Variants in ARPC5 observed in about 807,000 individuals in gnomAD.
The protein encoded by ARPC5 is actin-related protein 2/3 complex subunit 5.
Under a neutral mutation model 15.4 loss-of-function variants are expected in ARPC5, and 5 were observed. The ratio of observed to expected loss-of-function variants is 0.32; its 90% CI spans 0.17 to 0.68. The LOEUF (loss-of-function observed/expected upper bound fraction) is 0.68, where lower values mean the gene tolerates loss of function less well. Ranked by LOEUF, ARPC5 falls within the 30% of genes least tolerant of loss-of-function variation. ARPC5 has a pLI of 0.71. For missense variants in ARPC5, 138 were observed against 192.8 expected (o/e 0.72, Z 1.68); for synonymous variants, 85 against 72.2 (o/e 1.18, Z -0.90).
rs1558122795 is a variant in ARPC5, at chr1:183,633,109, AG to A, written c.188del (p.Pro63LeufsTer9). ...TCACTGCCTGACTCTTGGTGTTGAT[AG>A]GGGGGTTCTTCAGAGCTGCCTGTAG... ...AALQAALKNP[P>X]INTKSQAVKD... On this transcript the variant is annotated frameshift_variant, in exon 2 of 4. Transcript: ENST00000359856. LOFTEE classifies it high-confidence loss of function. 1 of 1,605,228 alleles carries A rather than the reference AG, an allele frequency of 6.2e-7. No homozygotes were observed. The highest frequency in any genetic ancestry group is 8.5e-7 in the Non-Finnish European group (1 of 1,176,462).
At chr1:183,634,311 AT>A (rs538631044) in intron 1 of ARPC5, among the ~76,000 whole-genome samples, 1 of 152,254 alleles carries the variant, frequency 6.6e-6, no homozygotes, top group South Asian at 2.1e-4. Context: ...GCAACAGCTA[AT>A]TAATTGTGAA....
Position 183,626,987 on chromosome 1 carries a change from CAA to C in ARPC5, c.*543_*544del, listed in dbSNP as rs947386886. 1 of 153,364 alleles carries C rather than the reference CAA, an allele frequency of 6.5e-6. No homozygotes were observed. The highest frequency in any genetic ancestry group is 1.5e-5 in the Non-Finnish European group (1 of 68,580). 9.5% of individuals were successfully genotyped at this position (153,364 alleles called of 1,614,324 possible). A position where few individuals can be genotyped will look rare whatever the true frequency, so the allele number is the denominator to read the frequency against. On this transcript the variant is annotated 3_prime_UTR_variant, in exon 4 of 4. Coordinates refer to ENST00000359856, the MANE Select transcript of ARPC5 (RefSeq NM_005717.4). The stretch of plus-strand genomic sequence containing the variant: ...CAGATAATCAGGAGGCAAGCAAAAA[CAA>C]AGCTATAACTTAGCAGTGGTATTCA...
rs1291756554 is a variant in ARPC5 at position 183,624,660 on chromosome 1, T to G, written c.*2872A>C. On this transcript the variant is annotated 3_prime_UTR_variant, in exon 4 of 4. Transcript: ENST00000359856. ...TTGTCCTTTCTGCCCCTCCAAAGGA[T>G]TAGTTCAAATTAATGTCTCACTTTA... The G allele has an allele frequency of 2.0e-5, 3 of 151,944 alleles. No homozygotes were observed. Among genetic ancestry groups the G allele is most frequent in the Non-Finnish European group, 2.9e-5 (2 of 68,050 alleles). The allele number at this position is 151,944 out of a possible 1,614,324, so 9.4% of individuals were successfully genotyped here.
In ARPC5 at chr1:183,624,120, T is replaced by C. The variant is rs1324443394; in HGVS notation, c.*3412A>G. Reference sequence around the variant, plus strand: ...GTCTATTTCAGCTAATAAAACATTATGATTTCCTATAATTTTACTTTCTTG... The same window carrying C: ...GTCTATTTCAGCTAATAAAACATTACGATTTCCTATAATTTTACTTTCTTG... On this transcript the variant is annotated 3_prime_UTR_variant, in exon 4 of 4. Coordinates refer to ENST00000359856, the MANE Select transcript of ARPC5 (RefSeq NM_005717.4). 1 of 152,362 alleles carries C rather than the reference T, an allele frequency of 6.6e-6. No homozygotes were observed. Among genetic ancestry groups the C allele is most frequent in the Non-Finnish European group, 1.5e-5 (1 of 68,170 alleles). The allele number at this position is 152,362 out of a possible 1,614,324, so 9.4% of individuals were successfully genotyped here.
intron 3 of ARPC5, among the ~76,000 whole-genome samples, chr1:183,628,971 G>C (rs1479544725): frequency 6.6e-6 from 1 of 152,200 alleles, no homozygotes; most frequent in Non-Finnish European, 1.5e-5. Context: ...TGTTAACTGG[G>C]AAACCAGTCA....
chr1:183,623,346 G>A lies in ARPC5; in HGVS notation c.*4186C>T, dbSNP rs2101951581. The A allele has an allele frequency of 1.5e-6, 2 of 1,321,040 alleles. No homozygotes were observed. Among genetic ancestry groups the A allele is most frequent in the East Asian group, 5.0e-5 (2 of 39,798 alleles). The allele number at this position is 1,321,040 out of a possible 1,614,324, so 81.8% of individuals were successfully genotyped here. On this transcript the variant is annotated 3_prime_UTR_variant, in exon 4 of 4. Transcript: ENST00000359856. The stretch of plus-strand genomic sequence containing the variant: ...AAATAGAAATGTTAAAGTGAATGCT[G>A]TGTCCCATGTTGCTTGTGGTTGGAT...
chr1:183,632,303 G>A (rs925588723), intron 2 of ARPC5: 4 of 151,966 alleles, frequency 2.6e-5, no homozygotes, highest in African/African-American at 9.7e-5. Context: ...AGGGCAATTT[G>A]GCAATACTGC....
Position 183,624,954 on chromosome 1 carries a change from C to G in ARPC5, c.*2578G>C, listed in dbSNP as rs543840219. On this transcript the variant is annotated 3_prime_UTR_variant, in exon 4 of 4. Coordinates refer to ENST00000359856, the MANE Select transcript of ARPC5 (RefSeq NM_005717.4). ...TTGTACCATCTACACATTGATTTCA[C>G]CCATGTTCATGTCCTTAAAATATCA... The G allele has an allele frequency of 6.6e-6, 1 of 152,296 alleles. No homozygotes were observed. The highest frequency in any genetic ancestry group is 1.9e-4 in the East Asian group (1 of 5,188). 9.4% of individuals were successfully genotyped at this position (152,296 alleles called of 1,614,324 possible).
At position 183,623,467 on chromosome 1, in the gene ARPC5, G is replaced by C; in HGVS notation, c.*4065C>G. ...CCTCCATATCTGGAATCATACAAGA[G>C]GCACCTGCACAGAACGTTTTCACAT... On this transcript the variant is annotated 3_prime_UTR_variant, in exon 4 of 4. Transcript: ENST00000359856. The C allele has an allele frequency of 6.5e-7, 1 of 1,550,350 alleles. No individual in the cohort carries two copies. Among genetic ancestry groups the C allele is most frequent in the African/African-American group, 1.4e-5 (1 of 73,114 alleles).
chr1:183,635,448 C>A (rs367677837), intron 1 of ARPC5, 69 bp downstream of exon 1: 14 of 1,508,772 alleles, frequency 9.3e-6, no homozygotes, highest in South Asian at 6.6e-5. Context: ...ATCCTGCAGG[C>A]TCCCGGGTCC....
rs1649055615 is a variant in ARPC5 at position 183,625,104 on chromosome 1, C to T, written c.*2428G>A. On this transcript the variant is annotated 3_prime_UTR_variant, in exon 4 of 4. Coordinates refer to ENST00000359856, the MANE Select transcript of ARPC5 (RefSeq NM_005717.4). Reference sequence around the variant, plus strand: ...AAAAAGAAACCAAATAGTAAAAGCACTGAGATTAAAGGAGGAGAATGGGAG... The same window carrying T: ...AAAAAGAAACCAAATAGTAAAAGCATTGAGATTAAAGGAGGAGAATGGGAG... The T allele has an allele frequency of 6.6e-6, 1 of 152,164 alleles. No homozygotes were observed. The highest frequency in any genetic ancestry group is 2.4e-5 in the African/African-American group (1 of 41,426). 9.4% of individuals were successfully genotyped at this position (152,164 alleles called of 1,614,324 possible).
chr1:183,621,629 C>T lies in ARPC5; in HGVS notation c.*5903G>A, dbSNP rs2101950692. 6.6e-6 allele frequency: 1 copy of T among 152,310 alleles called. No homozygotes were observed. The highest frequency in any genetic ancestry group is 2.4e-5 in the African/African-American group (1 of 41,580). 9.4% of individuals were successfully genotyped at this position (152,310 alleles called of 1,614,324 possible). A position where few individuals can be genotyped will look rare whatever the true frequency, so the allele number is the denominator to read the frequency against. ...GCAGCCCCGAGGGCTGCTGGTTGCCCATTTTAACGGTTATTTCTTGATGAT... is the reference window on the plus strand; with the variant it reads ...GCAGCCCCGAGGGCTGCTGGTTGCCTATTTTAACGGTTATTTCTTGATGAT... On this transcript the variant is annotated 3_prime_UTR_variant, in exon 4 of 4. Coordinates refer to ENST00000359856, the MANE Select transcript of ARPC5 (RefSeq NM_005717.4).
At position 183,635,746 on chromosome 1, in the gene ARPC5, G is replaced by T. The variant is rs1385358717; in HGVS notation, c.-87C>A. ...CCCAGCAACCCACTACCCGGCGCCT[G>T]ATTCACTTCCCTCTTCCGCTCTGAG... On this transcript the variant is annotated 5_prime_UTR_variant, in exon 1 of 4. Transcript: ENST00000359856. 2 of 1,525,442 alleles carry T rather than the reference G, an allele frequency of 1.3e-6. No homozygotes were observed. Among genetic ancestry groups the T allele is most frequent in the South Asian group, 1.3e-5 (1 of 79,056 alleles). The allele number at this position is 1,525,442 out of a possible 1,614,324, so 94.5% of individuals were successfully genotyped here.
At chr1:183,633,651 A>G (rs1649330478) in intron 1 of ARPC5, 1 of 152,392 alleles carries the variant, frequency 6.6e-6, no homozygotes, top group South Asian at 2.0e-4. Context: ...TGAATGATAC[A>G]CATTAGCAAT....
Position 183,634,196 on chromosome 1 carries a change from G to A in ARPC5, c.144-1042C>T, listed in dbSNP as rs935798906. On this transcript the variant is annotated intron_variant, in intron 1 of 3. Transcript: ENST00000359856. ...CTTACACAAAATCTCTGGTTGACAAGCTGTTATTTTCAAGGCTGCAGGGAT... is the reference window on the plus strand; with the variant it reads ...CTTACACAAAATCTCTGGTTGACAAACTGTTATTTTCAAGGCTGCAGGGAT... Among the ~76,000 whole-genome samples the A allele has an allele frequency of 3.3e-5, 5 of 152,198 alleles. No homozygotes were observed. The East Asian group carries it at 5.8e-4, about 18-fold the overall frequency.
chr1:183,634,744 C>A (rs1649389040), intron 1 of ARPC5, among the ~76,000 whole-genome samples: 1 of 152,128 alleles, frequency 6.6e-6, no homozygotes, highest in Admixed American at 6.5e-5. Flanking sequence ...TTAAATATTT[C>A]CAAGGATTCT....
At chr1:183,630,685 A>T in intron 2 of ARPC5, 48 bp from the exon 3 acceptor site, 1 of 1,546,078 alleles carries the variant, frequency 6.5e-7, no homozygotes, top group African/African-American at 1.4e-5. Context: ...CTGTATGAGG[A>T]GGGTTTAGAA....
Position 183,626,740 on chromosome 1 carries a change from C to T in ARPC5, c.*792G>A. On this transcript the variant is annotated 3_prime_UTR_variant, in exon 4 of 4. Coordinates refer to ENST00000359856, the MANE Select transcript of ARPC5 (RefSeq NM_005717.4). ...GAGTTTAAATTACACCATAGTTTTT[C>T]TTTCTTTCTGCAAATCATTCTTTCT... 6.6e-6 allele frequency: 1 copy of T among 152,528 alleles called. No homozygotes were observed. Among genetic ancestry groups the T allele is most frequent in the East Asian group, 1.9e-4 (1 of 5,206 alleles). The allele number at this position is 152,528 out of a possible 1,614,324, so 9.4% of individuals were successfully genotyped here.
chr1:183,631,878 A>C (rs1174736602), intron 2 of ARPC5: 1 of 152,206 alleles, frequency 6.6e-6, no homozygotes, highest in Admixed American at 6.5e-5. Context: ...CCTTTTCAAC[A>C]ATTCGTTTCT....
Sources: gnomAD v4.1 joint callset for allele counts (sites outside exome capture counted in the v4.1 genomes callset) on GRCh38, gnomAD v4.1.1 for gene constraint, MANE v1.5 for transcripts, NCBI Gene and HGNC (gene_info 2026-07-23, HGNC 2026-07-21) for gene names.